The following MCM7 variants were observed in gnomAD, a reference collection of about 807,000 sequenced individuals.
The protein encoded by MCM7 is minichromosome maintenance complex component 7, also known as DNA replication licensing factor MCM7.
MCM7 carries 95 observed loss-of-function variants against 83.5 expected under a neutral mutation model. The ratio of observed to expected loss-of-function variants is 1.14; its 90% confidence interval spans 0.96 to 1.35. The LOEUF is 1.35. MCM7 is among the 40% of genes most tolerant of loss of function. The probability of loss-of-function intolerance (pLI) is 0.00; values close to 1 mark genes in which losing one functional copy is unlikely to be tolerated. For missense variants in MCM7, 1,087 were observed against 957.4 expected, an observed-to-expected ratio of 1.14 and a Z score of -1.79; for synonymous variants, 461 against 352.7, an observed-to-expected ratio of 1.31 and a Z score of -3.44.
chr7:100,097,753 GAAGTT>G lies in MCM7; in HGVS notation c.986-13_986-9del, dbSNP rs566284967. 4.8e-4 allele frequency: 771 copies of G among 1,614,188 alleles called. 4 individuals are homozygous for G. The African/African-American group carries it at 9.3e-3, about 19-fold the overall frequency. On this transcript the variant is annotated splice_polypyrimidine_tract_variant and intron_variant, in intron 8 of 14. Coordinates refer to ENST00000303887, the MANE Select transcript of MCM7 (RefSeq NM_005916.5). ...TTTCGTAGAAATCCTCCTCTGTAGAGAAGTTAAGGTTGTTTTATTTTCTGGGGGAA... is the reference window on the plus strand; with the variant it reads ...TTTCGTAGAAATCCTCCTCTGTAGAGAAGGTTGTTTTATTTTCTGGGGGAA...
chr7:100,099,156 C>G lies in MCM7; in HGVS notation c.449G>C (p.Arg150Pro). Residue 150 changes from arginine (R) to proline (P), a missense_variant, in exon 5 of 15, where the codon CGG (arginine) becomes CCG (proline). By Grantham distance (103) the Arg-to-Pro change is moderately radical (BLOSUM62 -2). Transcript: ENST00000303887. ...GPSSNKPRVI[R>P]EVRADSVGKL... Reference sequence around the variant, plus strand: ...CCCCACAGAGTCAGCCCGCACTTCCCGGATCACACGAGGCTTGTTGCTGCT... The same window carrying G: ...CCCCACAGAGTCAGCCCGCACTTCCGGGATCACACGAGGCTTGTTGCTGCT... 5 of 1,614,104 alleles carry G rather than the reference C, an allele frequency of 3.1e-6. No individual in the cohort carries two copies. Among genetic ancestry groups the G allele is most frequent in the Non-Finnish European group, 4.2e-6 (5 of 1,180,032 alleles).
chr7:100,098,833 C>G, intron 5 of MCM7, 118 bp from the exon 6 acceptor site: 1 of 1,428,488 alleles, frequency 7.0e-7, no homozygotes, highest in Non-Finnish European at 9.6e-7. Context: ...CAAGAACCCT[C>G]TGAACTTACT....
Position 100,099,649 on chromosome 7 carries a change from G to A in MCM7, c.216C>T (p.Arg72=). 1.2e-6 allele frequency: 2 copies of A among 1,614,210 alleles called. No individual in the cohort carries two copies. The highest frequency in any genetic ancestry group is 1.7e-6 in the Non-Finnish European group (2 of 1,180,046). ...CGGCATCAGCAAAGAGCTTCGCGTA[G>A]CGCCTGGCATTCTCACAAATTGAGT... ...LVDSICENAR[R]YAKLFADAVQ... The change falls in exon 3 of 15, where the codon CGC becomes CGT. Residue 72 remains arginine (R), a synonymous_variant. Coordinates refer to ENST00000303887, the MANE Select transcript of MCM7 (RefSeq NM_005916.5).
At chr7:100,097,535 A>C in intron 9 of MCM7, 79 bp downstream of exon 9, 2 of 1,602,684 alleles carry the variant, frequency 1.2e-6, no homozygotes, top group Non-Finnish European at 1.7e-6. Context: ...TCATACTGTG[A>C]CCTACAGGGA....
intron 1 of MCM7, 133 bp from the exon 2 acceptor site, chr7:100,100,226 A>C (rs899418522): frequency 1.6e-5 from 23 of 1,435,052 alleles, no homozygotes; most frequent in Non-Finnish European, 6.4e-6. Context: ...AGTCTCCCCA[A>C]AGTGGGCATA....
At chr7:100,100,647 C>A in intron 1 of MCM7, 1 of 990,142 alleles carries the variant, frequency 1.0e-6, no homozygotes, top group Non-Finnish European at 1.2e-6. Context: ...CGATCCCAGC[C>A]CACTGCCGCC....
intron 13 of MCM7, 66 bp downstream of exon 13, chr7:100,094,107 A>AG: frequency 6.2e-7 from 1 of 1,600,794 alleles, no homozygotes. Flanking sequence ...CGGCAATGAG[A>AG]GCACGGTAAG....
chr7:100,099,332 A>C lies in MCM7; in HGVS notation c.348T>G (p.Pro116=), dbSNP rs774492100. 1 of 1,612,660 alleles carries C rather than the reference A, an allele frequency of 6.2e-7. No individual in the cohort carries two copies. The highest frequency in any genetic ancestry group is 8.5e-7 in the Non-Finnish European group (1 of 1,179,638). The change falls in exon 4 of 15, where the codon CCT becomes CCG. Residue 116 remains proline, a synonymous_variant. Transcript: ENST00000303887. ...RLMMEQRSRD[P]GMVRSPQNQY... is the part of the protein sequence containing the mutation. ...GGTTCTGGGGGCTTCGGACCATCCCAGGGTCCCGACTCCGCTGCTCCATCA... is the reference window on the plus strand; with the variant it reads ...GGTTCTGGGGGCTTCGGACCATCCCCGGGTCCCGACTCCGCTGCTCCATCA...
chr7:100,100,269 A>T (rs1179967538), intron 1 of MCM7, 176 bp from the exon 2 acceptor site: 25 of 1,382,396 alleles, frequency 1.8e-5, no homozygotes, highest in Non-Finnish European at 2.1e-5. Context: ...CTAACCAGCG[A>T]AGAATAAAGA....
rs780627959 is a variant in MCM7 at position 100,092,954 on chromosome 7, C to T, written c.2138G>A (p.Arg713Gln). Residue 713 changes from arginine to glutamine, a missense_variant, in exon 15 of 15, where the codon CGG becomes CAG. Coordinates refer to ENST00000303887, the MANE Select transcript of MCM7 (RefSeq NM_005916.5). Reference sequence around the variant, plus strand: ...GAATCAGACAAAAGTGATCCGTGTCCGGGAAGCATTGACCTGCCAGACATT... The same window carrying T: ...GAATCAGACAAAAGTGATCCGTGTCTGGGAAGCATTGACCTGCCAGACATT... Reference protein sequence around the residue: ...ELNVWQVNASRTRITFV With the variant: ...ELNVWQVNASQTRITFV 45 of 1,614,046 alleles carry T rather than the reference C, an allele frequency of 2.8e-5. No individual in the cohort carries two copies. Among genetic ancestry groups the T allele is most frequent in the South Asian group, 6.6e-5 (6 of 91,090 alleles).
intron 5 of MCM7, 67 bp from the exon 6 acceptor site, chr7:100,098,782 T>C: frequency 6.3e-7 from 1 of 1,586,154 alleles, no homozygotes; most frequent in Non-Finnish European, 8.6e-7. Flanking sequence ...GTCGGTCCTT[T>C]GAATCACATT....
intron 1 of MCM7, chr7:100,100,629 A>T (rs1795938076): frequency 2.0e-6 from 2 of 990,918 alleles, no homozygotes; most frequent in Non-Finnish European, 2.4e-6. Context: ...TCACACCCAG[A>T]GACACCGCGA....
chr7:100,099,818 G>A (rs1016856835), intron 2 of MCM7, 65 bp from the exon 3 acceptor site: 16 of 1,588,684 alleles, frequency 1.0e-5, no homozygotes, highest in Admixed American at 5.1e-5. Context: ...GTGTTCATAT[G>A]TGAAAATGCA....
At chr7:100,100,149 C>A in intron 1 of MCM7, 56 bp from the exon 2 acceptor site, 1 of 1,595,904 alleles carries the variant, frequency 6.3e-7, no homozygotes, top group Non-Finnish European at 8.6e-7. Context: ...ATCTTAGATA[C>A]CCATTTTCGC....
chr7:100,096,869 G>A (rs192851675), intron 10 of MCM7, among the ~76,000 whole-genome samples: 297 of 151,576 alleles, frequency 2.0e-3, no homozygotes, highest in African/African-American at 6.9e-3. Flanking sequence ...TTGGGAGGCC[G>A]AGGCGGGCGG....
intron 14 of MCM7, 29 bp downstream of exon 14, chr7:100,093,263 A>G: frequency 6.3e-7 from 1 of 1,599,896 alleles, no homozygotes; most frequent in Non-Finnish European, 8.6e-7. Context: ...ACAAAGTGAC[A>G]CAGCTTTGTC....
At chr7:100,098,483 T>C in intron 6 of MCM7, 95 bp downstream of exon 6, 1 of 1,575,470 alleles carries the variant, frequency 6.3e-7, no homozygotes, top group Admixed American at 1.7e-5. Flanking sequence ...CACTTCCCTC[T>C]TTTGTTCTTC....
At chr7:100,100,149 C>G in intron 1 of MCM7, 56 bp from the exon 2 acceptor site, 1 of 1,595,908 alleles carries the variant, frequency 6.3e-7, no homozygotes, top group Non-Finnish European at 8.6e-7. Context: ...ATCTTAGATA[C>G]CCATTTTCGC....
chr7:100,100,378 C>T lies in MCM7; in HGVS notation c.32-285G>A, dbSNP rs1269205863. The T allele has an allele frequency of 2.7e-6, 3 of 1,098,856 alleles. No individual in the cohort carries two copies. The African/African-American group carries it at 5.0e-5, about 18-fold the overall frequency. The allele number at this position is 1,098,856 out of a possible 1,614,324, so 68.1% of individuals were successfully genotyped here. A position where few individuals can be genotyped will look rare whatever the true frequency, so the allele number is the denominator to read the frequency against. Reference sequence around the variant, plus strand: ...AGCGCCCTTCCCCGTTGGCCCCTCACACTCCGGTCTCAAGGTTCTCAGCTT... The same window carrying T: ...AGCGCCCTTCCCCGTTGGCCCCTCATACTCCGGTCTCAAGGTTCTCAGCTT... On this transcript the variant is annotated intron_variant, in intron 1 of 14. Coordinates refer to ENST00000303887, the MANE Select transcript of MCM7 (RefSeq NM_005916.5).
Sources: gnomAD v4.1 joint callset for allele counts (sites outside exome capture counted in the v4.1 genomes callset) on GRCh38, gnomAD v4.1.1 for gene constraint, MANE v1.5 for transcripts, NCBI Gene and HGNC (gene_info 2026-07-23, HGNC 2026-07-21) for gene names.